Variants in POLN observed in about 807,000 individuals in gnomAD.
POLN encodes DNA polymerase nu, also known as DNA polymerase N.
Under a neutral mutation model 113.5 loss-of-function variants are expected in POLN, and 108 were observed. That is an observed-to-expected ratio of 0.95 (90% CI 0.81 to 1.12). POLN has a LOEUF of 1.12. Ranked by LOEUF, POLN falls within the 50% of genes most tolerant of loss-of-function variation. The pLI is 0.00. For synonymous variants in POLN, 386 were observed against 391.5 expected, an observed-to-expected ratio of 0.99 and a Z score of 0.17; for missense variants, 1,097 against 1,077.1, an observed-to-expected ratio of 1.02 and a Z score of -0.26.
At chr4:2,209,308 C>T (rs1733932221) in intron 4 of POLN, among the ~76,000 whole-genome samples, 2 of 151,654 alleles carry the variant, frequency 1.3e-5, no homozygotes, top group South Asian at 4.2e-4. Context: ...GGAGAAACCT[C>T]GTCTCTACTA....
At position 2,093,392 on chromosome 4, in the gene POLN, A is replaced by C. The variant is rs929893007; in HGVS notation, c.2065+2459T>G. 6.6e-6 allele frequency among the ~76,000 whole-genome samples: 1 copy of C among 152,216 alleles called. No homozygotes were observed. Among genetic ancestry groups the C allele is most frequent in the Non-Finnish European group, 1.5e-5 (1 of 68,040 alleles). ...TCAGACGTAACGGCAGATGACAGAG[A>C]TGAGAGCTGACTGTGTGCCAGGTAT... On this transcript the variant is annotated intron_variant, in intron 20 of 25. Coordinates refer to ENST00000511885, the MANE Select transcript of POLN (RefSeq NM_181808.4). The surrounding 1 kb of genome is among the most constrained non-coding windows in gnomAD (Gnocchi z 4.1).
Position 2,242,065 on chromosome 4 carries a change from CTTGCTT to C in POLN, c.-304_-299del, listed in dbSNP as rs969504404. On this transcript the variant is annotated 5_prime_UTR_variant, in exon 1 of 26. Transcript: ENST00000511885. ...GCGTCAGTCACCTCAGGAAGTTCCG[CTTGCTT>C]CTCGCAGGAGCCCGCCGCCACCGCC... is the stretch of plus-strand genomic sequence containing the variant. The C allele has an allele frequency of 2.0e-6, 2 of 985,638 alleles. No individual in the cohort carries two copies. The highest frequency in any genetic ancestry group is 3.5e-5 in the African/African-American group (2 of 57,258). 61.1% of individuals were successfully genotyped at this position (985,638 alleles called of 1,614,324 possible). A position where few individuals can be genotyped will look rare whatever the true frequency, so the allele number is the denominator to read the frequency against.
At chr4:2,137,845 C>T (rs762175265) in intron 16 of POLN, among the ~76,000 whole-genome samples, 10 of 151,672 alleles carry the variant, frequency 6.6e-5, no homozygotes, top group Non-Finnish European at 1.2e-4. Context: ...GGTCGGGGGG[C>T]GGGTCGGTGG....
rs563048512 is a variant in POLN, at chr4:2,200,689, C to T, written c.715-1972G>A. Among the ~76,000 whole-genome samples, 3 of 152,216 alleles carry T rather than the reference C, an allele frequency of 2.0e-5. No homozygotes were observed. The East Asian group carries it at 5.8e-4, about 29-fold the overall frequency. On this transcript the variant is annotated intron_variant, in intron 5 of 25. Transcript: ENST00000511885. ...GGAGAGGACTACATCAAGGGAACAC[C>T]CCATTGGATAAAAGAATCTGAACAA...
chr4:2,096,720 GAGAGAGAGAGAC>G (rs1051249080), intron 19 of POLN, among the ~76,000 whole-genome samples: 13 of 147,688 alleles, frequency 8.8e-5, no homozygotes, highest in South Asian at 2.1e-4. Context: ...GAGAGAGAGA[GAGAGAGAGAGAC>G]ACACAGAGAG....
At chr4:2,151,748 G>A (rs566316783) in intron 16 of POLN, among the ~76,000 whole-genome samples, 2 of 152,318 alleles carry the variant, frequency 1.3e-5, no homozygotes, top group South Asian at 4.1e-4. Context: ...CATTCACAGA[G>A]GTTTCCAGAA....
At chr4:2,234,991 T>C (rs1444866056) in intron 2 of POLN, among the ~76,000 whole-genome samples, 1 of 152,190 alleles carries the variant, frequency 6.6e-6, no homozygotes, top group African/African-American at 2.4e-5. Flanking sequence ...GTTCAAGGGA[T>C]TCTCCTGTGT....
chr4:2,170,414 T>C (rs1281556862), intron 13 of POLN, among the ~76,000 whole-genome samples: 1 of 152,182 alleles, frequency 6.6e-6, no homozygotes, highest in Non-Finnish European at 1.5e-5. Context: ...TGTCAAGAAA[T>C]TGGTTTTAAG....
chr4:2,240,252 C>T, intron 2 of POLN: 2 of 1,613,660 alleles, frequency 1.2e-6, no homozygotes, highest in Non-Finnish European at 1.7e-6. Flanking sequence ...TTCATTTGAA[C>T]TTTCAACTAC....
chr4:2,080,632 G>T (rs1730385911), intron 23 of POLN: 1 of 1,261,562 alleles, frequency 7.9e-7, no homozygotes, highest in Non-Finnish European at 1.0e-6. Flanking sequence ...CTGCTCAAGG[G>T]GCTGAGGGGT....
At chr4:2,084,190 T>C (rs367785503) in intron 21 of POLN, among the ~76,000 whole-genome samples, 21 of 152,370 alleles carry the variant, frequency 1.4e-4, no homozygotes, top group African/African-American at 5.0e-4. Context: ...CTCAAATCTC[T>C]TTCCCACATC....
chr4:2,104,255 C>T (rs1388937126), intron 19 of POLN, among the ~76,000 whole-genome samples: 8 of 152,192 alleles, frequency 5.3e-5, no homozygotes, highest in Non-Finnish European at 1.5e-5. Context: ...AATAACAATC[C>T]ACTGTATGGA....
intron 19 of POLN, among the ~76,000 whole-genome samples, chr4:2,109,948 T>C (rs1222345327): frequency 2.0e-5 from 3 of 152,192 alleles, no homozygotes; most frequent in Non-Finnish European, 4.4e-5. Context: ...GCTTGACTTC[T>C]TTTGGTATTG....
chr4:2,157,809 T>A, intron 15 of POLN, 49 bp downstream of exon 15: 1 of 1,319,432 alleles, frequency 7.6e-7, no homozygotes, highest in Middle Eastern at 2.0e-4. Flanking sequence ...TCTGAACTCA[T>A]ACAAAAACCA....
At chr4:2,241,314 G>A (rs531056055) in intron 2 of POLN, among the ~76,000 whole-genome samples, 1 of 152,268 alleles carries the variant, frequency 6.6e-6, no homozygotes, top group African/African-American at 2.4e-5. Flanking sequence ...GGATCTATTT[G>A]GATCCATTTT....
Position 2,238,495 on chromosome 4 carries a change from G to A in POLN, c.-13+3025C>T. The A allele has an allele frequency of 6.6e-6, 4 of 606,764 alleles. No individual in the cohort carries two copies. In the Admixed American group the frequency reaches 1.1e-4, roughly 16 times the overall value. The allele number at this position is 606,764 out of a possible 1,614,324, so 37.6% of individuals were successfully genotyped here. A position where few individuals can be genotyped will look rare whatever the true frequency, so the allele number is the denominator to read the frequency against. ...GAAAAAAAATAGAAAGGCCAAAAGT[G>A]AAATGCAAAGAATTGTTAAAAACTT... On this transcript the variant is annotated intron_variant, in intron 2 of 25. Coordinates refer to ENST00000511885, the MANE Select transcript of POLN (RefSeq NM_181808.4).
chr4:2,122,667 G>C (rs1430889060), intron 19 of POLN, among the ~76,000 whole-genome samples: 1 of 152,146 alleles, frequency 6.6e-6, no homozygotes, highest in Non-Finnish European at 1.5e-5. Context: ...TTGGAAAATT[G>C]TTTAGCAGGT....
rs191143889 is a variant in POLN, at chr4:2,147,092, G to A, written c.1731+9696C>T. 7.9e-5 allele frequency among the ~76,000 whole-genome samples: 12 copies of A among 152,088 alleles called. No individual in the cohort carries two copies. In the East Asian group the frequency reaches 1.9e-3, roughly 24 times the overall value. ...AACATTTTTAAAAATTAAATACTAC[G>A]CTGCAAGAAAAATGAGAACTCAAGA... is the stretch of plus-strand genomic sequence containing the variant. On this transcript the variant is annotated intron_variant, in intron 16 of 25. Coordinates refer to ENST00000511885, the MANE Select transcript of POLN (RefSeq NM_181808.4).
At chr4:2,128,796 T>C (rs1451945873) in intron 18 of POLN, among the ~76,000 whole-genome samples, 4 of 152,252 alleles carry the variant, frequency 2.6e-5, no homozygotes, top group African/African-American at 9.6e-5. Context: ...GGCTTATGCC[T>C]GTAATCCCAG....
Sources: allele counts gnomAD v4.1 joint callset (sites outside exome capture counted in the v4.1 genomes callset), GRCh38; gene constraint gnomAD v4.1.1; non-coding constraint Gnocchi (gnomAD v3.1); transcripts MANE v1.5; gene names NCBI Gene and HGNC (gene_info 2026-07-23, HGNC 2026-07-21).